ZDHHC13: variants seen among roughly 807,000 people sequenced by gnomAD.
ZDHHC13 encodes palmitoyltransferase ZDHHC13.
ZDHHC13 carries 85 observed loss-of-function variants against 86.0 expected under a neutral mutation model. The observed-to-expected ratio is 0.99, with a 90% CI of 0.83 to 1.18. The LOEUF is 1.18. Among genes scored for constraint, ZDHHC13 ranks in the 50% most tolerant of loss-of-function variants. The probability of loss-of-function intolerance (pLI) is 0.00; values close to 1 mark genes in which losing one functional copy is unlikely to be tolerated. For synonymous variants in ZDHHC13, 263 were observed against 246.4 expected (o/e 1.07, Z -0.63); for missense variants, 711 against 730.2 (o/e 0.97, Z 0.30).
intron 10 of ZDHHC13, among the ~76,000 whole-genome samples, chr11:19,162,507 G>A (rs1849940055): frequency 6.6e-6 from 1 of 152,100 alleles, no homozygotes; most frequent in African/African-American, 2.4e-5. Flanking sequence ...TACCCTAAAA[G>A]TGTGGTTTTA....
At chr11:19,124,760 T>TG (rs150900150) in intron 1 of ZDHHC13, among the ~76,000 whole-genome samples, 14,351 of 150,780 alleles carry the variant, frequency 0.095, 891 homozygotes, top group Non-Finnish European at 0.13. Flanking sequence ...TCTGCGTGTG[T>TG]GTGGGGGGGT....
chr11:19,158,915 C>G (rs1849832478), intron 9 of ZDHHC13, 25 bp from the exon 10 acceptor site: 2 of 1,438,388 alleles, frequency 1.4e-6, no homozygotes, highest in Admixed American at 2.4e-5. Flanking sequence ...ATACTAATAA[C>G]TTATATTTAT....
intron 1 of ZDHHC13, among the ~76,000 whole-genome samples, chr11:19,120,043 CTT>C (rs1359720368): frequency 2.0e-5 from 3 of 152,206 alleles, no homozygotes; most frequent in African/African-American, 7.2e-5. Flanking sequence ...CCCACTGTAA[CTT>C]TAACAATTCT....
At chr11:19,131,710 C>T (rs574217037) in intron 1 of ZDHHC13, among the ~76,000 whole-genome samples, 1 of 151,968 alleles carries the variant, frequency 6.6e-6, no homozygotes, top group South Asian at 2.1e-4. Flanking sequence ...GATCTTGGCT[C>T]ACTGCAACTG....
At chr11:19,153,807 C>G (rs1022669568) in intron 8 of ZDHHC13, among the ~76,000 whole-genome samples, 2 of 152,082 alleles carry the variant, frequency 1.3e-5, no homozygotes, top group Admixed American at 1.3e-4. Context: ...CTGACTAAGC[C>G]AAGCCTTCCC....
At chr11:19,123,688 G>T (rs1848805851) in intron 1 of ZDHHC13, among the ~76,000 whole-genome samples, 1 of 151,950 alleles carries the variant, frequency 6.6e-6, no homozygotes, top group South Asian at 2.1e-4. Context: ...AACCTACAAA[G>T]AGAAACAGAT....
rs769315087 is a variant in ZDHHC13 at position 19,124,063 on chromosome 11, C to G, written c.27+6787C>G. Among the ~76,000 whole-genome samples the G allele has an allele frequency of 5.3e-4, 80 of 151,900 alleles. 1 individual carries two copies. The highest frequency in any genetic ancestry group is 9.6e-4 in the Non-Finnish European group (65 of 67,946). ...AATCAATCCTATAGAATTAGAATGC[C>G]CAGGGTGTTGATTGTGTATAGATAT... On this transcript the variant is annotated intron_variant, in intron 1 of 16. Coordinates refer to ENST00000446113, the MANE Select transcript of ZDHHC13 (RefSeq NM_019028.3).
chr11:19,168,700 G>A, intron 14 of ZDHHC13: 1 of 631,928 alleles, frequency 1.6e-6, no homozygotes, highest in Non-Finnish European at 2.0e-6. Context: ...AGGCCTCACT[G>A]TCATCCCACC....
At chr11:19,171,087 A>G (rs577761498) in intron 15 of ZDHHC13, among the ~76,000 whole-genome samples, 2 of 152,294 alleles carry the variant, frequency 1.3e-5, no homozygotes, top group South Asian at 4.1e-4. Context: ...ATTACTATGC[A>G]GTGTTTAAAT....
At chr11:19,156,546 A>G (rs1849760197) in intron 9 of ZDHHC13, among the ~76,000 whole-genome samples, 1 of 152,236 alleles carries the variant, frequency 6.6e-6, no homozygotes. Context: ...CATGGTTAAC[A>G]CATATAAACA....
chr11:19,176,086 A>G lies in ZDHHC13; in HGVS notation c.*126A>G. On this transcript the variant is annotated 3_prime_UTR_variant, in exon 17 of 17. Coordinates refer to ENST00000446113, the MANE Select transcript of ZDHHC13 (RefSeq NM_019028.3). ...AGGAAAACACGTGGTTTTTAAAGCC[A>G]TTAGGTAAAAAAAGTTCTCAATAAA... 1 of 1,129,338 alleles carries G rather than the reference A, an allele frequency of 8.9e-7. No individual in the cohort carries two copies. Among genetic ancestry groups the G allele is most frequent in the Non-Finnish European group, 1.2e-6 (1 of 847,552 alleles). 70.0% of individuals were successfully genotyped at this position (1,129,338 alleles called of 1,614,324 possible). A position where few individuals can be genotyped will look rare whatever the true frequency, so the allele number is the denominator to read the frequency against.
rs1590077545 is a variant in ZDHHC13, at chr11:19,149,286, G to A, written c.474G>A (p.Leu158=). ...EGFSSIHLAV[L]FQHMPIIAYL... Reference sequence around the variant, plus strand: ...TCAGCAGCATCCACCTGGCAGTATTGTTTCAACACATGCCTATTATAGCAT... The same window carrying A: ...TCAGCAGCATCCACCTGGCAGTATTATTTCAACACATGCCTATTATAGCAT... The change falls in exon 5 of 17, where the codon TTG becomes TTA. Residue 158 remains leucine (L), a synonymous_variant. Coordinates refer to ENST00000446113, the MANE Select transcript of ZDHHC13 (RefSeq NM_019028.3). 2 of 1,605,922 alleles carry A rather than the reference G, an allele frequency of 1.2e-6. No homozygotes were observed. The highest frequency in any genetic ancestry group is 1.3e-5 in the African/African-American group (1 of 74,956).
intron 1 of ZDHHC13, among the ~76,000 whole-genome samples, chr11:19,142,443 G>T (rs1849346525): frequency 6.6e-6 from 1 of 152,128 alleles, no homozygotes; most frequent in Non-Finnish European, 1.5e-5. Flanking sequence ...CAAGTCACAA[G>T]TTCTGCCTGT....
chr11:19,163,188 G>A (rs1849958563), intron 10 of ZDHHC13, 115 bp from the exon 11 acceptor site: 2 of 1,075,172 alleles, frequency 1.9e-6, no homozygotes, highest in East Asian at 5.4e-5. Flanking sequence ...TTAGGGGCAG[G>A]GACATGTGTG....
rs80218695 is a variant in ZDHHC13, at chr11:19,147,972, T to A, written c.374+299T>A. Reference sequence around the variant, plus strand: ...AGTAGTTCAGTGAAGTGCAAACTCATTCAGTTCAGGCTTATGACAGATGTC... The same window carrying A: ...AGTAGTTCAGTGAAGTGCAAACTCAATCAGTTCAGGCTTATGACAGATGTC... On this transcript the variant is annotated intron_variant, in intron 4 of 16. Transcript: ENST00000446113. Among the ~76,000 whole-genome samples, 1,040 of 152,312 alleles carry A rather than the reference T, an allele frequency of 6.8e-3. 9 individuals are homozygous for A. The highest frequency in any genetic ancestry group is 0.024 in the African/African-American group (982 of 41,568).
intron 1 of ZDHHC13, chr11:19,118,006 G>C (rs900994028): frequency 6.6e-6 from 1 of 152,220 alleles, no homozygotes; most frequent in African/African-American, 2.4e-5. Flanking sequence ...CTAGTGCCTA[G>C]AGTACTGACT....
chr11:19,152,540 T>A lies in ZDHHC13; in HGVS notation c.748-19T>A. 1.3e-6 allele frequency: 2 copies of A among 1,575,590 alleles called. No individual in the cohort carries two copies. Among genetic ancestry groups the A allele is most frequent in the African/African-American group, 2.7e-5 (2 of 72,870 alleles). On this transcript the variant is annotated intron_variant, in intron 7 of 16. Transcript: ENST00000446113. ...ATATTAAAAATACTTTTAAACTTTT[T>A]ACCCTACTCTTTTTTAAGGGAGAAA...
At chr11:19,158,883 A>C in intron 9 of ZDHHC13, 57 bp from the exon 10 acceptor site, 1 of 1,181,008 alleles carries the variant, frequency 8.5e-7, no homozygotes. Flanking sequence ...AGGGAAATTT[A>C]GAACTAAAAT....
At position 19,176,195 on chromosome 11, in the gene ZDHHC13, C is replaced by G; in HGVS notation, c.*235C>G. On this transcript the variant is annotated 3_prime_UTR_variant, in exon 17 of 17. Coordinates refer to ENST00000446113, the MANE Select transcript of ZDHHC13 (RefSeq NM_019028.3). ...TCTAAAAAAAAAACCATATTTTTCA[C>G]AAGAAAATGCAAGTTACTTTTTTTG... 1 of 339,198 alleles carries G rather than the reference C, an allele frequency of 2.9e-6. No individual in the cohort carries two copies. The highest frequency in any genetic ancestry group is 5.2e-6 in the Non-Finnish European group (1 of 192,716). 21.0% of individuals were successfully genotyped at this position (339,198 alleles called of 1,614,324 possible).
Sources: gnomAD v4.1 joint callset for allele counts (sites outside exome capture counted in the v4.1 genomes callset) on GRCh38, gnomAD v4.1.1 for gene constraint, MANE v1.5 for transcripts, NCBI Gene and HGNC (gene_info 2026-07-23, HGNC 2026-07-21) for gene names.